Variants in UNC13C observed in about 807,000 individuals in gnomAD.
UNC13C encodes protein unc-13 homolog C.
A neutral mutation model predicts 245.4 loss-of-function variants in UNC13C; 174 were observed. That is an observed-to-expected ratio of 0.71 (90% CI 0.63 to 0.80). The LOEUF is 0.80. Ranked by LOEUF, UNC13C falls within the 30% of genes least tolerant of loss-of-function variation. The pLI is 0.00. For synonymous variants in UNC13C, 992 were observed against 895.1 expected, an observed-to-expected ratio of 1.11 and a Z score of -1.93; for missense variants, 2,829 against 2,602.9, an observed-to-expected ratio of 1.09 and a Z score of -1.89.
chr15:54,114,847 A>G (rs1397186903), intron 2 of UNC13C, among the ~76,000 whole-genome samples: 1 of 152,088 alleles, frequency 6.6e-6, no homozygotes, highest in African/African-American at 2.4e-5. Flanking sequence ...TGGTAGTCTC[A>G]GGTATTTAAT....
At chr15:53,910,467 C>T in the UNC13C span, among the ~76,000 whole-genome samples, 1 of 146,626 alleles carries the variant, frequency 6.8e-6, no homozygotes, top group Non-Finnish European at 1.5e-5. Context: ...TATAACTGCC[C>T]TGTTGACACT....
At chr15:54,191,690 T>C (rs1194153822) in intron 4 of UNC13C, among the ~76,000 whole-genome samples, 1 of 152,190 alleles carries the variant, frequency 6.6e-6, no homozygotes, top group Non-Finnish European at 1.5e-5. Flanking sequence ...CGTTCCTATT[T>C]CACCACATCC....
At chr15:54,212,873 G>A (rs1427845016) in intron 4 of UNC13C, among the ~76,000 whole-genome samples, 3 of 151,982 alleles carry the variant, frequency 2.0e-5, no homozygotes, top group Admixed American at 1.3e-4. Flanking sequence ...GAAAATGCAA[G>A]GCATACCCAT....
At chr15:53,887,298 T>G in the UNC13C span, among the ~76,000 whole-genome samples, 1 of 152,188 alleles carries the variant, frequency 6.6e-6, no homozygotes, top group African/African-American at 2.4e-5. Flanking sequence ...GTTATTGATA[T>G]CCTTAAAATC....
Position 54,300,381 on chromosome 15 carries a change from C to G in UNC13C, c.4268+8C>G, listed in dbSNP as rs754020154. The G allele has an allele frequency of 6.4e-7, 1 of 1,561,492 alleles. No homozygotes were observed. Among genetic ancestry groups the G allele is most frequent in the Non-Finnish European group, 8.7e-7 (1 of 1,151,198 alleles). On this transcript the variant is annotated splice_region_variant and intron_variant, in intron 13 of 32. Coordinates refer to ENST00000260323, the MANE Select transcript of UNC13C (RefSeq NM_001080534.3). ...CATTTATCAAGCTATGACGTAAGTA[C>G]TACAGAACATTTACATGGTCAATAT...
At chr15:54,414,690 C>T (rs551466169) in intron 18 of UNC13C, among the ~76,000 whole-genome samples, 1 of 152,016 alleles carries the variant, frequency 6.6e-6, no homozygotes, top group South Asian at 2.1e-4. Flanking sequence ...AGTGAAGGAG[C>T]TCTTGAGACA....
intron 4 of UNC13C, among the ~76,000 whole-genome samples, chr15:54,186,836 A>AATATATAT (rs372623344): frequency 0.023 from 2,889 of 126,092 alleles, 200 homozygotes; most frequent in Non-Finnish European, 0.031. Context: ...CAAAGAACAT[A>AATATATAT]ATATATATGT....
intron 2 of UNC13C, among the ~76,000 whole-genome samples, chr15:54,064,803 A>G (rs542825602): frequency 2.6e-5 from 4 of 152,148 alleles, no homozygotes; most frequent in Non-Finnish European, 5.9e-5. Context: ...CTTTCCATGT[A>G]CTTCCCAAAA....
intron 19 of UNC13C, among the ~76,000 whole-genome samples, chr15:54,465,927 C>T (rs931627192): frequency 2.0e-5 from 3 of 151,936 alleles, no homozygotes; most frequent in South Asian, 2.1e-4. Context: ...AGATTATGTG[C>T]GTAGACAAGA....
the UNC13C span, among the ~76,000 whole-genome samples, chr15:53,870,579 C>T: frequency 3.3e-5 from 5 of 152,064 alleles, no homozygotes; most frequent in African/African-American, 1.2e-4. Context: ...GAAAAATGCA[C>T]TTCTGTCTTA....
chr15:54,418,395 T>C (rs1441413907), intron 19 of UNC13C, among the ~76,000 whole-genome samples: 1 of 152,046 alleles, frequency 6.6e-6, no homozygotes, highest in Non-Finnish European at 1.5e-5. Flanking sequence ...GAAATGGAGA[T>C]CAGGGAGAAT....
chr15:54,255,135 A>G (rs1290181818), intron 8 of UNC13C, among the ~76,000 whole-genome samples: 1 of 152,142 alleles, frequency 6.6e-6, no homozygotes, highest in Non-Finnish European at 1.5e-5. Context: ...CCCAGTAGGC[A>G]TATGTTACAG....
chr15:54,216,453 G>C (rs2035041661), intron 4 of UNC13C, among the ~76,000 whole-genome samples: 2 of 151,868 alleles, frequency 1.3e-5, no homozygotes. Context: ...TGGATATATT[G>C]TCTTGAAATT....
At chr15:53,965,906 T>TGG in the UNC13C span, among the ~76,000 whole-genome samples, 1 of 152,196 alleles carries the variant, frequency 6.6e-6, no homozygotes, top group Non-Finnish European at 1.5e-5. Context: ...TCATCACTTT[T>TGG]TATGGCTGCA....
At chr15:54,396,081 C>T (rs1277576691) in intron 18 of UNC13C, among the ~76,000 whole-genome samples, 2 of 138,446 alleles carry the variant, frequency 1.4e-5, no homozygotes, top group African/African-American at 3.5e-5. Flanking sequence ...TTTTCTTTCT[C>T]TGTCTTTCTA....
chr15:54,434,222 A>G (rs2040932870), intron 19 of UNC13C, among the ~76,000 whole-genome samples: 1 of 152,148 alleles, frequency 6.6e-6, no homozygotes, highest in Non-Finnish European at 1.5e-5. Flanking sequence ...ACAGAATTCG[A>G]AAAAGACTAC....
intron 4 of UNC13C, among the ~76,000 whole-genome samples, chr15:54,231,398 A>T (rs1185039930): frequency 6.6e-6 from 1 of 152,042 alleles, no homozygotes; most frequent in African/African-American, 2.4e-5. Flanking sequence ...TCCCAATCAG[A>T]TAAGCAGTGG....
chr15:54,276,142 A>G (rs1241198432), intron 10 of UNC13C, among the ~76,000 whole-genome samples: 1 of 152,118 alleles, frequency 6.6e-6, no homozygotes, highest in Admixed American at 6.5e-5. Context: ...GGAAAGGATG[A>G]GAGGAACTGA....
At chr15:54,184,820 C>A (rs1035480330) in intron 4 of UNC13C, among the ~76,000 whole-genome samples, 1 of 152,118 alleles carries the variant, frequency 6.6e-6, no homozygotes, top group African/African-American at 2.4e-5. Flanking sequence ...ATTTCTAGTT[C>A]TAGATCCCTG....
Sources: allele counts gnomAD v4.1 joint callset (sites outside exome capture counted in the v4.1 genomes callset), GRCh38; gene constraint gnomAD v4.1.1; transcripts MANE v1.5; gene names NCBI Gene and HGNC (gene_info 2026-07-23, HGNC 2026-07-21).